The following TBC1D2B variants were observed in gnomAD, a reference collection of about 807,000 sequenced individuals.
TBC1D2B encodes TBC1 domain family, member 2B.
In TBC1D2B, 64 loss-of-function variants were observed where a neutral mutation model predicts 100.8. The ratio of observed to expected loss-of-function variants is 0.64; its 90% CI spans 0.52 to 0.78. The LOEUF is 0.78. Ranked by LOEUF, TBC1D2B falls within the 30% of genes least tolerant of loss-of-function variation. TBC1D2B has a pLI of 0.00. For missense variants in TBC1D2B, 1,052 were observed against 1,218.4 expected, an observed-to-expected ratio of 0.86 and a Z score of 2.03; for synonymous variants, 480 against 479.7, an observed-to-expected ratio of 1.00 and a Z score of -0.01.
At chr15:78,017,584 A>G (rs2072410135) in intron 7 of TBC1D2B, among the ~76,000 whole-genome samples, 1 of 152,294 alleles carries the variant, frequency 6.6e-6, no homozygotes, top group South Asian at 2.1e-4. Context: ...AACTGAACAC[A>G]TTTTCTGTAG....
chr15:78,048,983 A>G (rs1166110445), intron 2 of TBC1D2B, among the ~76,000 whole-genome samples: 1 of 152,260 alleles, frequency 6.6e-6, no homozygotes, highest in African/African-American at 2.4e-5. Context: ...GCATCAAAGC[A>G]CACAGCAAAC....
At chr15:78,006,429 A>G (rs1018794253) in intron 10 of TBC1D2B, among the ~76,000 whole-genome samples, 9 of 152,332 alleles carry the variant, frequency 5.9e-5, no homozygotes, top group African/African-American at 2.2e-4. Context: ...TGAAGCAATC[A>G]CAGGGAGACC....
intron 1 of TBC1D2B, among the ~76,000 whole-genome samples, chr15:78,074,460 G>T (rs1325404656): frequency 6.6e-6 from 1 of 152,046 alleles, no homozygotes; most frequent in Non-Finnish European, 1.5e-5. Context: ...GTAACCCAAA[G>T]GAAAATGTAT....
chr15:78,007,811 C>T lies in TBC1D2B; in HGVS notation c.2388+1186G>A, dbSNP rs372916332. 1.3e-4 allele frequency among the ~76,000 whole-genome samples: 20 copies of T among 152,296 alleles called. 1 individual carries two copies. The highest frequency in any genetic ancestry group is 4.3e-4 in the African/African-American group (18 of 41,562). On this transcript the variant is annotated intron_variant, in intron 10 of 12. Coordinates refer to ENST00000300584, the MANE Select transcript of TBC1D2B (RefSeq NM_144572.2). ...TCAGCTGTTGGCACAGAGGACCCACCGGACAGGAGCTGGGCACAGAGGAGA... is the reference window on the plus strand; with the variant it reads ...TCAGCTGTTGGCACAGAGGACCCACTGGACAGGAGCTGGGCACAGAGGAGA...
chr15:78,076,388 C>T (rs1043518529), intron 1 of TBC1D2B, among the ~76,000 whole-genome samples: 1 of 152,200 alleles, frequency 6.6e-6, no homozygotes, highest in Non-Finnish European at 1.5e-5. Context: ...GCTGGAGCAT[C>T]CCCGTCCACT....
Position 78,077,401 on chromosome 15 carries a change from G to A in TBC1D2B, c.252C>T (p.Ile84=), listed in dbSNP as rs1225656636. Residue 84 remains isoleucine, a synonymous_variant, in exon 1 of 13, where the codon ATC becomes ATT. Coordinates refer to ENST00000300584, the MANE Select transcript of TBC1D2B (RefSeq NM_144572.2). The part of the protein sequence containing the change: ...QDALPLGHLD[I]ADACFSYQGP... ...CCTGGTAGCTGAAGCAGGCGTCCGC[G>A]ATGTCCAAGTGGCCGAGGGGCAGCG... The A allele has an allele frequency of 5.8e-6, 9 of 1,546,070 alleles. No individual in the cohort carries two copies. In the East Asian group the frequency reaches 2.0e-4, roughly 34 times the overall value.
chr15:78,033,864 T>C (rs192829337), intron 3 of TBC1D2B, among the ~76,000 whole-genome samples: 1 of 152,332 alleles, frequency 6.6e-6, no homozygotes, highest in East Asian at 1.9e-4. Context: ...CCTTTTTACT[T>C]GTACTTTAAA....
chr15:78,033,949 G>A (rs1242769046), intron 3 of TBC1D2B, among the ~76,000 whole-genome samples: 1 of 152,182 alleles, frequency 6.6e-6, no homozygotes, highest in East Asian at 1.9e-4. Flanking sequence ...TGGATGTATG[G>A]CCTTTGGCTA....
At chr15:78,073,777 C>T (rs1263128612) in intron 1 of TBC1D2B, among the ~76,000 whole-genome samples, 1 of 151,982 alleles carries the variant, frequency 6.6e-6, no homozygotes, top group African/African-American at 2.4e-5. Flanking sequence ...CGAGACCAGC[C>T]TGGCCAATAT....
chr15:78,026,254 G>A (rs1459977346), intron 4 of TBC1D2B, among the ~76,000 whole-genome samples: 2 of 151,926 alleles, frequency 1.3e-5, no homozygotes, highest in Non-Finnish European at 2.9e-5. Flanking sequence ...TGGCAAGTGA[G>A]GCCTAATAAC....
chr15:78,004,151 C>T (rs1215921451), intron 10 of TBC1D2B, among the ~76,000 whole-genome samples: 3 of 152,208 alleles, frequency 2.0e-5, no homozygotes, highest in Non-Finnish European at 2.9e-5. Context: ...ACTACCTGCG[C>T]ACGACAGACG....
At chr15:78,047,874 T>C (rs1837913) in intron 2 of TBC1D2B, among the ~76,000 whole-genome samples, 32,445 of 152,102 alleles carry the variant, frequency 0.21, 3,721 homozygotes, top group East Asian at 0.36. Context: ...GGGGTAAAGG[T>C]GCAGCTCAAA....
intron 3 of TBC1D2B, among the ~76,000 whole-genome samples, chr15:78,040,778 A>C (rs1285384323): frequency 6.7e-6 from 1 of 148,636 alleles, no homozygotes; most frequent in African/African-American, 2.5e-5. Context: ...AGAGAGAAAG[A>C]AAGAAAGAAG....
At chr15:78,041,094 T>A (rs1459426334) in intron 3 of TBC1D2B, among the ~76,000 whole-genome samples, 2 of 152,162 alleles carry the variant, frequency 1.3e-5, no homozygotes, top group Admixed American at 1.3e-4. Flanking sequence ...GCATAAAATC[T>A]TACAGGGTTT....
At chr15:78,006,235 T>C (rs1409517534) in intron 10 of TBC1D2B, among the ~76,000 whole-genome samples, 1 of 152,180 alleles carries the variant, frequency 6.6e-6, no homozygotes, top group African/African-American at 2.4e-5. Context: ...TCTGAAACAT[T>C]GAGTCATTTG....
chr15:78,027,332 A>G (rs2141705368), intron 4 of TBC1D2B, among the ~76,000 whole-genome samples: 1 of 152,286 alleles, frequency 6.6e-6, no homozygotes, highest in South Asian at 2.1e-4. Flanking sequence ...GGGTGTATTC[A>G]ATTTGTGACA....
intron 1 of TBC1D2B, among the ~76,000 whole-genome samples, chr15:78,065,045 A>G (rs1239951694): frequency 6.6e-6 from 1 of 152,142 alleles, no homozygotes; most frequent in Non-Finnish European, 1.5e-5. Flanking sequence ...CCCATAATCA[A>G]TTTCCCGGAA....
chr15:78,056,737 C>A (rs1206289607), intron 1 of TBC1D2B, among the ~76,000 whole-genome samples: 3 of 135,926 alleles, frequency 2.2e-5, no homozygotes, highest in Non-Finnish European at 4.5e-5. Context: ...GGGACAGAGG[C>A]CCAGAAAGGG....
rs1427974378 is a variant in TBC1D2B, at chr15:78,025,327, T to G, written c.1018A>C (p.Met340Leu). The G allele has an allele frequency of 6.2e-7, 1 of 1,613,922 alleles. No homozygotes were observed. Among genetic ancestry groups the G allele is most frequent in the South Asian group, 1.1e-5 (1 of 91,076 alleles). The change falls in exon 5 of 13, where the codon ATG becomes CTG. Residue 340 changes from methionine to leucine, a missense_variant. Physicochemically the swap from Met to Leu is conservative, Grantham distance 15. Transcript: ENST00000300584. ...SVSIRKPASEMQLQVQSQQEE... is the reference protein window; with the variant it reads ...SVSIRKPASELQLQVQSQQEE... ...TGCTGGCTCTGGACCTGCAGTTGCA[T>G]TTCGGAGGCCGGCTTCCTGATGCTG...
Sources: allele counts gnomAD v4.1 joint callset (sites outside exome capture counted in the v4.1 genomes callset), GRCh38; gene constraint gnomAD v4.1.1; transcripts MANE v1.5; gene names NCBI Gene and HGNC (gene_info 2026-07-23, HGNC 2026-07-21).